The following CCDC171 variants were observed in gnomAD, a reference collection of about 807,000 sequenced individuals.
CCDC171 encodes coiled-coil domain containing 171, also known as coiled-coil domain-containing protein 171.
Under a neutral mutation model 168.2 loss-of-function variants are expected in CCDC171, and 177 were observed. The observed-to-expected ratio is 1.05, with a 90% CI of 0.93 to 1.19. CCDC171 has a LOEUF of 1.19. Among genes scored for constraint, CCDC171 ranks in the 50% most tolerant of loss-of-function variants. The pLI is 0.00. For synonymous variants in CCDC171, 687 were observed against 540.8 expected (o/e 1.27, Z -3.75); for missense variants, 1,991 against 1,539.0 (o/e 1.29, Z -4.91).
At chr9:16,021,193 C>T (rs765359064) in intron 4 of CCDC171, among the ~76,000 whole-genome samples, 5 of 152,108 alleles carry the variant, frequency 3.3e-5, no homozygotes, top group Non-Finnish European at 5.9e-5. Context: ...GTTCAGGTGA[C>T]TCTCCTGCCT....
the CCDC171 span, among the ~76,000 whole-genome samples, chr9:16,097,796 T>G: frequency 6.6e-6 from 1 of 152,212 alleles, no homozygotes; most frequent in South Asian, 2.1e-4. Flanking sequence ...GAATCTGATC[T>G]GTGTTATCGG....
In CCDC171 at chr9:15,712,438, A is replaced by G. The variant is rs558751303; in HGVS notation, c.1319-9331A>G. On this transcript the variant is annotated intron_variant, in intron 11 of 25. Transcript: ENST00000380701. The stretch of plus-strand genomic sequence containing the variant: ...TTTGTGTTTTTGTGATGAGAAACAT[A>G]GTAAGACCAGTGAATCCTATGGAAA... Among the ~76,000 whole-genome samples, 5 of 152,372 alleles carry G rather than the reference A, an allele frequency of 3.3e-5. No homozygotes were observed. The East Asian group carries it at 7.7e-4, about 23-fold the overall frequency.
rs969974411 is a variant in CCDC171, at chr9:15,799,474, T to G, written c.3267+14780T>G. 3.3e-5 allele frequency among the ~76,000 whole-genome samples: 5 copies of G among 151,928 alleles called. No individual in the cohort carries two copies. The East Asian group carries it at 9.7e-4, about 29-fold the overall frequency. The stretch of plus-strand genomic sequence containing the variant: ...TCTTTACAAATTTTAATTTTTAATT[T>G]TTAATGTTTGTGGAAACTTAATAGG... On this transcript the variant is annotated intron_variant, in intron 21 of 25. Transcript: ENST00000380701.
chr9:15,832,722 G>A (rs572991576), intron 21 of CCDC171, among the ~76,000 whole-genome samples: 1 of 152,184 alleles, frequency 6.6e-6, no homozygotes, highest in South Asian at 2.1e-4. Flanking sequence ...GTATACTGCT[G>A]TCGACTTTAT....
chr9:15,685,682 C>G (rs1469694119), intron 10 of CCDC171, among the ~76,000 whole-genome samples: 2 of 151,732 alleles, frequency 1.3e-5, no homozygotes, highest in Non-Finnish European at 1.5e-5. Flanking sequence ...AAAAACAAAA[C>G]AAAATCCTGA....
chr9:15,775,117 C>T (rs1177506812), intron 18 of CCDC171, among the ~76,000 whole-genome samples: 1 of 152,068 alleles, frequency 6.6e-6, no homozygotes, highest in Non-Finnish European at 1.5e-5. Flanking sequence ...AAAAAAATTG[C>T]CCTCTGTACT....
chr9:15,576,701 T>TA (rs1334245502), intron 3 of CCDC171, among the ~76,000 whole-genome samples: 2 of 152,332 alleles, frequency 1.3e-5, no homozygotes, highest in African/African-American at 4.8e-5. Context: ...AGAGTTAACT[T>TA]AGAGACGATA....
Position 15,865,267 on chromosome 9 carries a change from A to G in CCDC171, c.3469-9265A>G, listed in dbSNP as rs150199819. On this transcript the variant is annotated intron_variant, in intron 23 of 25. Transcript: ENST00000380701. ...CATTTATAATAATTAAATTCTACAT[A>G]TACATTTTTAGTATGTATAATGTTC... is the stretch of plus-strand genomic sequence containing the variant. Among the ~76,000 whole-genome samples the G allele has an allele frequency of 4.6e-3, 693 of 152,152 alleles. 8 individuals are homozygous for G. Among genetic ancestry groups the G allele is most frequent in the Non-Finnish European group, 3.4e-3 (234 of 67,978 alleles).
chr9:15,774,173 G>A (rs970362653), intron 18 of CCDC171, among the ~76,000 whole-genome samples: 3 of 143,792 alleles, frequency 2.1e-5, no homozygotes, highest in Non-Finnish European at 4.5e-5. Flanking sequence ...TTGAACCCAG[G>A]TGGCATAGGT....
chr9:15,590,425 C>T (rs962235092), intron 4 of CCDC171, among the ~76,000 whole-genome samples: 5 of 152,144 alleles, frequency 3.3e-5, no homozygotes, highest in Admixed American at 1.3e-4. Context: ...ATCAGAGAAT[C>T]AGGGAGGTTT....
chr9:16,081,819 A>G, the CCDC171 span, among the ~76,000 whole-genome samples: 2 of 152,028 alleles, frequency 1.3e-5, no homozygotes, highest in African/African-American at 4.8e-5. Flanking sequence ...GTATTTGTAT[A>G]ATGCAGTTAA....
At chr9:15,818,221 T>G (rs1157004762) in intron 21 of CCDC171, among the ~76,000 whole-genome samples, 1 of 115,586 alleles carries the variant, frequency 8.7e-6, no homozygotes, top group Non-Finnish European at 1.9e-5. Flanking sequence ...AGACCAAAGG[T>G]AGCTAAAACC....
chr9:16,006,580 C>A (rs553628889), intron 3 of CCDC171, among the ~76,000 whole-genome samples: 1 of 145,356 alleles, frequency 6.9e-6, no homozygotes, highest in East Asian at 2.3e-4. Context: ...ATCCCTCCCC[C>A]CTCCCCTCAC....
At chr9:15,774,512 G>C (rs2057200553) in intron 18 of CCDC171, among the ~76,000 whole-genome samples, 1 of 152,140 alleles carries the variant, frequency 6.6e-6, no homozygotes, top group Admixed American at 6.5e-5. Context: ...TTGTGGGAAT[G>C]TAAACTAGTA....
intron 11 of CCDC171, among the ~76,000 whole-genome samples, chr9:15,713,923 G>T (rs976202743): frequency 2.0e-5 from 3 of 151,516 alleles, no homozygotes; most frequent in African/African-American, 7.3e-5. Flanking sequence ...CGGCAACAAA[G>T]GTACATTGCT....
intron 1 of CCDC171, among the ~76,000 whole-genome samples, chr9:15,560,692 G>A (rs573951435): frequency 7.9e-5 from 12 of 152,248 alleles, no homozygotes; most frequent in African/African-American, 2.9e-4. Flanking sequence ...TTAGCTCGGA[G>A]AAGTTTATTA....
intron 6 of CCDC171, among the ~76,000 whole-genome samples, chr9:15,621,761 C>T (rs1437662539): frequency 2.6e-5 from 4 of 152,134 alleles, no homozygotes; most frequent in Admixed American, 2.0e-4. Context: ...CCTTTTGATC[C>T]AGCAATCCCA....
At chr9:16,077,945 TA>T in the CCDC171 span, among the ~76,000 whole-genome samples, 1 of 152,158 alleles carries the variant, frequency 6.6e-6, no homozygotes, top group Non-Finnish European at 1.5e-5. Context: ...TTGCAATTTA[TA>T]AGATGAATAA....
intron 23 of CCDC171, among the ~76,000 whole-genome samples, chr9:15,871,376 C>A (rs1383541950): frequency 6.6e-6 from 1 of 151,640 alleles, no homozygotes; most frequent in East Asian, 1.9e-4. Context: ...TAAAGATTGG[C>A]TTTTGAAATT....
Sources: gnomAD v4.1 joint callset for allele counts (sites outside exome capture counted in the v4.1 genomes callset) on GRCh38, gnomAD v4.1.1 for gene constraint, MANE v1.5 for transcripts, NCBI Gene and HGNC (gene_info 2026-07-23, HGNC 2026-07-21) for gene names.